Variants in PPP1R21 observed in about 807,000 individuals in gnomAD.
PPP1R21 encodes the protein protein phosphatase 1 regulatory subunit 21, also known as KLRAQ motif containing 1.
PPP1R21 carries 85 observed loss-of-function variants against 112.8 expected under a neutral mutation model. The ratio of observed to expected loss-of-function variants is 0.75; its 90% CI spans 0.63 to 0.90. PPP1R21 has a LOEUF of 0.90. PPP1R21 is among the 40% of genes least tolerant of loss of function. The pLI is 0.00. For synonymous variants in PPP1R21, 381 were observed against 322.3 expected, an observed-to-expected ratio of 1.18 and a Z score of -1.95; for missense variants, 1,199 against 901.5, an observed-to-expected ratio of 1.33 and a Z score of -4.23.
chr2:48,441,131 C>G, intron 1 of PPP1R21, 121 bp downstream of exon 1: 1 of 714,092 alleles, frequency 1.4e-6, no homozygotes, highest in Non-Finnish European at 2.5e-6. Context: ...CCCACCTTTC[C>G]CCTCAGCCGT....
Position 48,443,075 on chromosome 2 carries a change from A to G in PPP1R21, c.57+2065A>G, listed in dbSNP as rs143007987. Among the ~76,000 whole-genome samples the G allele has an allele frequency of 2.5e-3, 379 of 152,332 alleles. 1 individual carries two copies. The highest frequency in any genetic ancestry group is 0.014 in the Middle Eastern group (4 of 294). ...CCTCTGGGGCTATAGAGTAGGGGCT[A>G]GATTCAGGAATTATGGTTAAAAAAT... On this transcript the variant is annotated intron_variant, in intron 1 of 21. Transcript: ENST00000294952.
chr2:48,488,361 T>A (rs188547672), intron 14 of PPP1R21, among the ~76,000 whole-genome samples: 64 of 152,108 alleles, frequency 4.2e-4, no homozygotes, highest in African/African-American at 1.4e-3. Flanking sequence ...GTCTCTGTAT[T>A]TGCCAACTTT....
intron 8 of PPP1R21, 30 bp downstream of exon 8, chr2:48,465,019 C>A: frequency 6.5e-7 from 1 of 1,530,900 alleles, no homozygotes; most frequent in Non-Finnish European, 8.8e-7. Flanking sequence ...TTTTTATTTT[C>A]AGTTATATAT....
At chr2:48,450,932 G>T (rs1667442668) in intron 1 of PPP1R21, 76 bp from the exon 2 acceptor site, 2 of 1,269,104 alleles carry the variant, frequency 1.6e-6, no homozygotes, top group African/African-American at 1.5e-5. Context: ...AATGATGCCT[G>T]TAAAATTGAT....
intron 12 of PPP1R21, among the ~76,000 whole-genome samples, chr2:48,477,312 G>A (rs775997312): frequency 3.3e-5 from 5 of 151,632 alleles, no homozygotes; most frequent in Admixed American, 6.6e-5. Context: ...TAGAGATGGG[G>A]GTCTCACCAT....
In PPP1R21 at chr2:48,458,702, C is replaced by T. The variant is rs185666648; in HGVS notation, c.375+475C>T. Reference sequence around the variant, plus strand: ...TATGAACCATGTATGTTTCCTATGCCTAGTCCCAGGACAGTGTCTTACTTA... The same window carrying T: ...TATGAACCATGTATGTTTCCTATGCTTAGTCCCAGGACAGTGTCTTACTTA... On this transcript the variant is annotated intron_variant, in intron 4 of 21. Coordinates refer to ENST00000294952, the MANE Select transcript of PPP1R21 (RefSeq NM_001135629.3). Among the ~76,000 whole-genome samples, 5 of 151,590 alleles carry T rather than the reference C, an allele frequency of 3.3e-5. No homozygotes were observed. The East Asian group carries it at 9.7e-4, about 29-fold the overall frequency.
At chr2:48,501,923 A>G (rs917804227) in intron 17 of PPP1R21, 2 of 152,176 alleles carry the variant, frequency 1.3e-5, no homozygotes, top group Non-Finnish European at 2.9e-5. Flanking sequence ...TAATAATTTT[A>G]AAACGTGGAA....
At chr2:48,498,429 T>C in intron 16 of PPP1R21, 64 bp from the exon 17 acceptor site, 1 of 1,557,504 alleles carries the variant, frequency 6.4e-7, no homozygotes, top group Non-Finnish European at 8.8e-7. Context: ...TGTAAGATAG[T>C]TTTTGGGCCA....
rs201102651 is a variant in PPP1R21, at chr2:48,454,458, A to AGT, written c.127-135_127-134dup. The stretch of plus-strand genomic sequence containing the variant: ...AAAGTGCTAAAAACTTAAGAACTGA[A>AGT]GTGATACACATACAACCTGAATTTC... On this transcript the variant is annotated intron_variant, in intron 2 of 21. Coordinates refer to ENST00000294952, the MANE Select transcript of PPP1R21 (RefSeq NM_001135629.3). 1,503 of 959,592 alleles carry AGT rather than the reference A, an allele frequency of 1.6e-3. 12 individuals carry two copies. In the African/African-American group the frequency reaches 0.021, roughly 14 times the overall value. 59.4% of individuals were successfully genotyped at this position (959,592 alleles called of 1,614,324 possible).
chr2:48,471,717 T>C (rs765089445), intron 11 of PPP1R21, among the ~76,000 whole-genome samples: 2 of 152,212 alleles, frequency 1.3e-5, no homozygotes, highest in Non-Finnish European at 2.9e-5. Context: ...TTATTTTTGT[T>C]ATTAGTGACT....
At position 48,479,937 on chromosome 2, in the gene PPP1R21, T is replaced by C. The variant is rs1668932101; in HGVS notation, c.1239T>C (p.Asp413=). 3 of 1,609,080 alleles carry C rather than the reference T, an allele frequency of 1.9e-6. No individual in the cohort carries two copies. In the Admixed American group the frequency reaches 5.0e-5, roughly 27 times the overall value. Residue 413 remains aspartate, a synonymous_variant, in exon 13 of 22, where the codon GAT becomes GAC. Coordinates refer to ENST00000294952, the MANE Select transcript of PPP1R21 (RefSeq NM_001135629.3). ...ALLALPSTEP[D]GLLRTNYSSV... is the part of the protein sequence containing the mutation. ...TTGATTTCCTAGGTACAGAGCCAGA[T>C]GGACTCCTTCGGACAAACTACAGTT...
intron 17 of PPP1R21, among the ~76,000 whole-genome samples, chr2:48,504,649 A>G (rs1178798048): frequency 6.6e-6 from 1 of 150,604 alleles, no homozygotes; most frequent in Non-Finnish European, 1.5e-5. Flanking sequence ...TCAGAAACAA[A>G]CAAACAAAAA....
At chr2:48,506,373 C>T (rs1670376368) in intron 18 of PPP1R21, among the ~76,000 whole-genome samples, 1 of 151,906 alleles carries the variant, frequency 6.6e-6, no homozygotes, top group African/African-American at 2.4e-5. Flanking sequence ...GGATTACAGG[C>T]GTGAGCCACT....
intron 19 of PPP1R21, among the ~76,000 whole-genome samples, chr2:48,508,714 G>T (rs953099560): frequency 4.6e-5 from 7 of 152,156 alleles, no homozygotes; most frequent in African/African-American, 1.7e-4. Context: ...CTCTTTGTCA[G>T]GTTCATTGCT....
intron 1 of PPP1R21, among the ~76,000 whole-genome samples, chr2:48,446,704 C>G (rs1029576268): frequency 5.3e-5 from 8 of 152,074 alleles, no homozygotes; most frequent in African/African-American, 1.9e-4. Context: ...ATACTGTAGT[C>G]TTTACCATGG....
In PPP1R21 at chr2:48,451,012, G is replaced by A. The variant is rs1667446016; in HGVS notation, c.62G>A (p.Arg21Gln). 3.7e-6 allele frequency: 6 copies of A among 1,612,826 alleles called. No individual in the cohort carries two copies. Among genetic ancestry groups the A allele is most frequent in the African/African-American group, 1.3e-5 (1 of 74,806 alleles). ...TATTGCTTTCTCTGTTTTCAGCTTC[G>A]GGCTCAGAATCAGGTTCTGAAAAAA... is the stretch of plus-strand genomic sequence containing the variant. ...QKLAQEYSKL[R>Q]AQNQVLKKGV... Residue 21 changes from arginine (R) to glutamine (Q), a missense_variant, in exon 2 of 22, where the codon CGG becomes CAG. Physicochemically the swap from Arg to Gln is conservative, Grantham distance 43. Transcript: ENST00000294952.
At chr2:48,512,018 A>G (rs983693000) in intron 21 of PPP1R21, among the ~76,000 whole-genome samples, 2 of 152,132 alleles carry the variant, frequency 1.3e-5, no homozygotes, top group Admixed American at 6.5e-5. Context: ...GCTTTTTGGC[A>G]TTTTTGGCAT....
At chr2:48,507,430 TG>T in intron 19 of PPP1R21, 45 bp downstream of exon 19, 1 of 1,584,252 alleles carries the variant, frequency 6.3e-7, no homozygotes. Context: ...TCCTAACCCC[TG>T]CAGGAGTTAG....
At chr2:48,457,976 A>G in intron 3 of PPP1R21, 150 bp from the exon 4 acceptor site, 1 of 625,932 alleles carries the variant, frequency 1.6e-6, no homozygotes, top group South Asian at 1.5e-5. Flanking sequence ...GGAAAAGTTA[A>G]ATGATGAACT....
Sources: allele counts gnomAD v4.1 joint callset (sites outside exome capture counted in the v4.1 genomes callset), GRCh38; gene constraint gnomAD v4.1.1; transcripts MANE v1.5; gene names NCBI Gene and HGNC (gene_info 2026-07-23, HGNC 2026-07-21).